The following NAT2 variants were observed in gnomAD, a reference collection of about 807,000 sequenced individuals.
NAT2 encodes arylamine N-acetyltransferase 2.
For missense variants in NAT2, 428 were observed against 339.1 expected, an observed-to-expected ratio of 1.26 and a Z score of -2.06; for synonymous variants, 137 against 125.9, an observed-to-expected ratio of 1.09 and a Z score of -0.59.
chr8:18,400,511 A>G lies in NAT2; in HGVS notation c.508A>G (p.Ile170Val). 1 of 1,613,428 alleles carries G rather than the reference A, an allele frequency of 6.2e-7. No homozygotes were observed. Among genetic ancestry groups the G allele is most frequent in the South Asian group, 1.1e-5 (1 of 90,920 alleles). The change falls in exon 2 of 2, where the codon ATT becomes GTT. Residue 170 changes from isoleucine to valine, a missense_variant. Coordinates refer to ENST00000286479, the MANE Select transcript of NAT2 (RefSeq NM_000015.3). Reference protein sequence around the residue: ...YLDQIRREQYITNKEFLNSHL... With the variant: ...YLDQIRREQYVTNKEFLNSHL... The stretch of plus-strand genomic sequence containing the variant: ...GGACCAAATCAGGAGAGAGCAGTAT[A>G]TTACAAACAAAGAATTTCTTAATTC...
chr8:18,393,762 G>A (rs770122419), intron 1 of NAT2, among the ~76,000 whole-genome samples: 8 of 152,114 alleles, frequency 5.3e-5, no homozygotes, highest in African/African-American at 9.7e-5. Context: ...GGGAGAAAAC[G>A]TTGAAAATGT....
chr8:18,392,835 A>T (rs921270220), intron 1 of NAT2, among the ~76,000 whole-genome samples: 1 of 152,110 alleles, frequency 6.6e-6, no homozygotes, highest in African/African-American at 2.4e-5. Context: ...GTGGCAACAC[A>T]GGTTAAGAGA....
At chr8:18,391,527 A>G (rs1179321984) in intron 1 of NAT2, among the ~76,000 whole-genome samples, 182 bp downstream of exon 1, 1 of 151,782 alleles carries the variant, frequency 6.6e-6, no homozygotes, top group Non-Finnish European at 1.5e-5. Flanking sequence ...CTCATTATAC[A>G]CACTCCCTTT....
At chr8:18,392,303 C>T (rs1403368354) in intron 1 of NAT2, among the ~76,000 whole-genome samples, 1 of 152,176 alleles carries the variant, frequency 6.6e-6, no homozygotes, top group African/African-American at 2.4e-5. Flanking sequence ...AGTAGGCCGT[C>T]TGCAAGCTGA....
intron 1 of NAT2, among the ~76,000 whole-genome samples, chr8:18,396,775 C>A (rs770861881): frequency 1.3e-5 from 2 of 152,136 alleles, no homozygotes; most frequent in African/African-American, 4.8e-5. Context: ...TAAAAAAATA[C>A]GTTTAACATT....
At chr8:18,395,426 T>C (rs974722027) in intron 1 of NAT2, among the ~76,000 whole-genome samples, 2 of 152,110 alleles carry the variant, frequency 1.3e-5, no homozygotes, top group South Asian at 2.1e-4. Flanking sequence ...ATCAGAATGA[T>C]AGGAATATCA....
chr8:18,394,656 G>T (rs748638474), intron 1 of NAT2, among the ~76,000 whole-genome samples: 4 of 152,026 alleles, frequency 2.6e-5, no homozygotes, highest in African/African-American at 4.8e-5. Flanking sequence ...CCCATTACAG[G>T]CCAGAAACCT....
At position 18,400,035 on chromosome 8, in the gene NAT2, G is replaced by T. The variant is rs747536177; in HGVS notation, c.32G>T (p.Gly11Val). The T allele has an allele frequency of 5.6e-6, 9 of 1,603,224 alleles. No individual in the cohort carries two copies. Among genetic ancestry groups the T allele is most frequent in the Admixed American group, 1.7e-5 (1 of 58,638 alleles). The part of the protein sequence containing the change: MDIEAYFERI[G>V]YKNSRNKLDL... ...ATTGAAGCATATTTTGAAAGAATTG[G>T]CTATAAGAACTCTAGGAACAAATTG... The change falls in exon 2 of 2, where the codon GGC becomes GTC. Residue 11 changes from glycine (G) to valine (V), a missense_variant. Gly to Val is a moderately radical substitution (Grantham distance 109, BLOSUM62 -3). Transcript: ENST00000286479.
chr8:18,395,866 A>G (rs2117616359), intron 1 of NAT2, among the ~76,000 whole-genome samples: 1 of 152,160 alleles, frequency 6.6e-6, no homozygotes, highest in South Asian at 2.1e-4. Context: ...TCACTCTTTG[A>G]GAGAGAGGAC....
At chr8:18,390,505 A>C (rs1299778910), upstream of NAT2, among the ~76,000 whole-genome samples, 1 of 152,216 alleles carries the variant, frequency 6.6e-6, no homozygotes, top group Admixed American at 6.5e-5. Context: ...TCTTTACACA[A>C]TGTCTGCATG....
intron 1 of NAT2, among the ~76,000 whole-genome samples, chr8:18,394,308 G>T (rs1800645515): frequency 6.6e-6 from 1 of 152,166 alleles, no homozygotes; most frequent in Non-Finnish European, 1.5e-5. Flanking sequence ...TGTACATGCA[G>T]GTCACGGGAT....
At chr8:18,388,060 G>A (rs1289001671), upstream of NAT2, among the ~76,000 whole-genome samples, 1 of 152,178 alleles carries the variant, frequency 6.6e-6, no homozygotes, top group Non-Finnish European at 1.5e-5. Context: ...TCCACCTTCT[G>A]CCAGGAGCAT....
chr8:18,394,951 A>T lies in NAT2; in HGVS notation c.-7+3606A>T, dbSNP rs555209939. Among the ~76,000 whole-genome samples, 3 of 152,346 alleles carry T rather than the reference A, an allele frequency of 2.0e-5. No individual in the cohort carries two copies. The South Asian group carries it at 6.2e-4, about 32-fold the overall frequency. ...GGGAAATATGCTTCAAATTTTGCTC[A>T]CAAGAGTATACTTTACACAAATATT... On this transcript the variant is annotated intron_variant, in intron 1 of 1. Coordinates refer to ENST00000286479, the MANE Select transcript of NAT2 (RefSeq NM_000015.3).
chr8:18,393,675 T>G (rs918096348), intron 1 of NAT2, among the ~76,000 whole-genome samples: 1 of 152,188 alleles, frequency 6.6e-6, no homozygotes, highest in South Asian at 2.1e-4. Flanking sequence ...TACTGTTATT[T>G]TCTCCTGATA....
At chr8:18,399,729 C>T (rs1800754319) in intron 1 of NAT2, among the ~76,000 whole-genome samples, 1 of 152,086 alleles carries the variant, frequency 6.6e-6, no homozygotes, top group African/African-American at 2.4e-5. Flanking sequence ...CCATTTGGCT[C>T]CTTATTTAAT....
chr8:18,387,178 C>T, upstream of NAT2: 1 of 152,434 alleles, frequency 6.6e-6, no homozygotes, highest in South Asian at 2.0e-4. Context: ...GCGCGGGGAG[C>T]TGGCCGCCTT....
intron 1 of NAT2, among the ~76,000 whole-genome samples, chr8:18,393,333 C>G (rs1800620738): frequency 6.6e-6 from 1 of 151,934 alleles, no homozygotes; most frequent in African/African-American, 2.4e-5. Flanking sequence ...TAGGCAGTCC[C>G]TTGGTTTTGA....
Position 18,401,004 on chromosome 8 carries a change from T to A in NAT2, c.*128T>A. ...AAATCCTAAACATCAAATACTTTCA[T>A]CCATAAAAATGTCAGCATTTATTAA... is the stretch of plus-strand genomic sequence containing the variant. On this transcript the variant is annotated 3_prime_UTR_variant, in exon 2 of 2. Coordinates refer to ENST00000286479, the MANE Select transcript of NAT2 (RefSeq NM_000015.3). 1.7e-6 allele frequency: 1 copy of A among 582,410 alleles called. No homozygotes were observed. 36.1% of individuals were successfully genotyped at this position (582,410 alleles called of 1,614,324 possible). A position where few individuals can be genotyped will look rare whatever the true frequency, so the allele number is the denominator to read the frequency against.
At chr8:18,395,864 TGAGA>T (rs1398912924) in intron 1 of NAT2, among the ~76,000 whole-genome samples, 3 of 151,774 alleles carry the variant, frequency 2.0e-5, no homozygotes, top group Non-Finnish European at 4.4e-5. Flanking sequence ...CTTCACTCTT[TGAGA>T]GAGAGGACTC....
Sources: gnomAD v4.1 joint callset for allele counts (sites outside exome capture counted in the v4.1 genomes callset) on GRCh38, gnomAD v4.1.1 for gene constraint, MANE v1.5 for transcripts, NCBI Gene and HGNC (gene_info 2026-07-23, HGNC 2026-07-21) for gene names.